MACO1: variants seen among roughly 807,000 people sequenced by gnomAD.
The protein encoded by MACO1 is macoilin.
A neutral mutation model predicts 78.7 loss-of-function variants in MACO1; 14 were observed. The ratio of observed to expected loss-of-function variants is 0.18; its 90% CI spans 0.12 to 0.28. MACO1 has a LOEUF of 0.28. MACO1 is among the 10% of genes least tolerant of loss of function. The pLI is 1.00. For missense variants in MACO1, 501 were observed against 799.0 expected, an observed-to-expected ratio of 0.63 and a Z score of 4.50; for synonymous variants, 288 against 291.6, an observed-to-expected ratio of 0.99 and a Z score of 0.12.
intron 6 of MACO1, among the ~76,000 whole-genome samples, chr1:25,470,007 T>TA (rs2043253820): frequency 6.6e-6 from 1 of 152,232 alleles, no homozygotes; most frequent in African/African-American, 2.4e-5. Flanking sequence ...TTAGGGTACT[T>TA]ATTTTTTGTT....
chr1:25,431,220 G>T (rs1437611866), intron 1 of MACO1, 42 bp downstream of exon 1: 6 of 1,513,870 alleles, frequency 4.0e-6, no homozygotes, highest in Admixed American at 3.9e-5. Flanking sequence ...GGGCCCTGCG[G>T]TCCCCCTCCA....
intron 1 of MACO1, among the ~76,000 whole-genome samples, chr1:25,440,767 CAAAAA>C (rs71815906): frequency 6.5e-5 from 7 of 107,132 alleles, no homozygotes; most frequent in Non-Finnish European, 9.7e-5. Flanking sequence ...GACTCCATCT[CAAAAA>C]AAAAAAAAAA....
chr1:25,474,779 C>T (rs140894031), intron 6 of MACO1, among the ~76,000 whole-genome samples: 1 of 152,188 alleles, frequency 6.6e-6, no homozygotes, highest in African/African-American at 2.4e-5. Flanking sequence ...CACCAAAACT[C>T]AGGATGTGGG....
intron 6 of MACO1, among the ~76,000 whole-genome samples, chr1:25,480,925 AAAAAATATATATATAT>A (rs1484639732): frequency 3.4e-4 from 11 of 32,114 alleles, no homozygotes; most frequent in African/African-American, 9.2e-4. Context: ...AAAAAAAAAA[AAAAAATATATATATAT>A]ATATATATAT....
At chr1:25,479,136 G>A (rs1046377722) in intron 6 of MACO1, among the ~76,000 whole-genome samples, 3 of 152,016 alleles carry the variant, frequency 2.0e-5, no homozygotes, top group Non-Finnish European at 2.9e-5. Flanking sequence ...CTTCTGCCTC[G>A]TTTTCTTCCT....
rs1357881487 is a variant in MACO1, at chr1:25,456,703, G to C, written c.524G>C (p.Ser175Thr). The change falls in exon 5 of 11, where the codon AGC becomes ACC. Residue 175 changes from serine (S) to threonine (T), a missense_variant. Coordinates refer to ENST00000374343, the MANE Select transcript of MACO1 (RefSeq NM_018202.6). ...TLGFGFKSYV[S>T]YKMRLRKQKE... ...GGGTTTGGCTTCAAAAGTTACGTAA[G>C]CTACAAAATGCGGTTAAGGAAGCAA... 6.2e-7 allele frequency: 1 copy of C among 1,614,002 alleles called. No individual in the cohort carries two copies. Among genetic ancestry groups the C allele is most frequent in the South Asian group, 1.1e-5 (1 of 91,064 alleles).
At chr1:25,464,655 C>A (rs2043200633) in intron 6 of MACO1, among the ~76,000 whole-genome samples, 1 of 67,000 alleles carries the variant, frequency 1.5e-5, no homozygotes, top group Non-Finnish European at 3.1e-5. Context: ...ATAATTTCTT[C>A]CCCCACCCCC....
chr1:25,431,316 A>C, intron 1 of MACO1, 138 bp downstream of exon 1: 6 of 372,960 alleles, frequency 1.6e-5, no homozygotes, highest in South Asian at 8.3e-5. Flanking sequence ...CTGGCCCCGG[A>C]GCCGCTGGCC....
chr1:25,450,574 C>T (rs1260818125), intron 3 of MACO1, among the ~76,000 whole-genome samples: 1 of 152,234 alleles, frequency 6.6e-6, no homozygotes, highest in African/African-American at 2.4e-5. Context: ...TATTCATCCT[C>T]TTCTCAGAAC....
chr1:25,478,881 CA>C (rs2043345738), intron 6 of MACO1, among the ~76,000 whole-genome samples: 1 of 152,194 alleles, frequency 6.6e-6, no homozygotes, highest in Non-Finnish European at 1.5e-5. Flanking sequence ...AAGAATTAGG[CA>C]AGAAGGAAGT....
chr1:25,459,507 C>T (rs1409965074), intron 6 of MACO1, among the ~76,000 whole-genome samples: 7 of 143,932 alleles, frequency 4.9e-5, no homozygotes, highest in South Asian at 2.2e-4. Flanking sequence ...TTTTTTGAGA[C>T]GGAGTCTTGC....
At chr1:25,449,006 A>G in intron 3 of MACO1, 72 bp downstream of exon 3, 1 of 1,328,650 alleles carries the variant, frequency 7.5e-7, no homozygotes, top group Non-Finnish European at 9.8e-7. Flanking sequence ...ATTTCTTTGA[A>G]TACATTATTT....
chr1:25,481,204 T>C (rs2043374450), intron 6 of MACO1, among the ~76,000 whole-genome samples: 1 of 152,098 alleles, frequency 6.6e-6, no homozygotes, highest in South Asian at 2.1e-4. Flanking sequence ...TTTCTTTCAT[T>C]CCCAACTGTG....
chr1:25,488,492 C>CT (rs201878916), intron 8 of MACO1, among the ~76,000 whole-genome samples: 62 of 149,934 alleles, frequency 4.1e-4, no homozygotes, highest in Admixed American at 1.0e-3. Flanking sequence ...AACCTATAGT[C>CT]TTTTTTTTTT....
intron 6 of MACO1, among the ~76,000 whole-genome samples, chr1:25,463,373 G>A (rs2043188244): frequency 6.6e-6 from 1 of 152,208 alleles, no homozygotes; most frequent in Admixed American, 6.5e-5. Flanking sequence ...TTGCCTATAG[G>A]GTCCTTTCCT....
intron 1 of MACO1, among the ~76,000 whole-genome samples, chr1:25,441,424 A>G (rs961630293): frequency 3.6e-4 from 55 of 152,240 alleles, no homozygotes; most frequent in African/African-American, 1.3e-3. Context: ...ACTTCAGGTC[A>G]TCCACCCGCC....
chr1:25,488,492 CT>C (rs201878916), intron 8 of MACO1, among the ~76,000 whole-genome samples: 19 of 149,946 alleles, frequency 1.3e-4, no homozygotes, highest in East Asian at 1.2e-3. Flanking sequence ...AACCTATAGT[CT>C]TTTTTTTTTC....
intron 1 of MACO1, among the ~76,000 whole-genome samples, chr1:25,434,851 A>G (rs535901748): frequency 7.9e-4 from 120 of 152,220 alleles, no homozygotes; most frequent in African/African-American, 2.2e-3. Context: ...GTAATATCTC[A>G]TTGCAGGCAG....
chr1:25,450,020 A>G (rs537249653), intron 3 of MACO1, among the ~76,000 whole-genome samples: 5 of 152,336 alleles, frequency 3.3e-5, no homozygotes, highest in South Asian at 2.1e-4. Flanking sequence ...CTCCATCTCA[A>G]AAAACACACA....
Sources: allele counts gnomAD v4.1 joint callset (sites outside exome capture counted in the v4.1 genomes callset), GRCh38; gene constraint gnomAD v4.1.1; transcripts MANE v1.5; gene names NCBI Gene and HGNC (gene_info 2026-07-23, HGNC 2026-07-21).